Variants in PHB1 observed in about 807,000 individuals in gnomAD.
PHB1 encodes epididymis luminal protein 215.
chr17:49,409,321 G>A, the PHB1 span: 1 of 1,614,006 alleles, frequency 6.2e-7, no homozygotes. Context: ...AAAGGCCCCT[G>A]TTCACTCACC....
the PHB1 span, among the ~76,000 whole-genome samples, chr17:49,406,501 G>T: frequency 6.6e-6 from 1 of 152,196 alleles, no homozygotes; most frequent in African/African-American, 2.4e-5. Flanking sequence ...ATTTTTATTT[G>T]TAAGAGAGTG....
chr17:49,410,374 T>A, the PHB1 span, among the ~76,000 whole-genome samples: 3 of 152,200 alleles, frequency 2.0e-5, no homozygotes, highest in Non-Finnish European at 4.4e-5. Flanking sequence ...AAGGTGCAGG[T>A]ATGCCTGGTT....
At chr17:49,409,533 TTTTTTTTTTG>T in the PHB1 span, 116 of 1,098,976 alleles carry the variant, frequency 1.1e-4, no homozygotes, top group South Asian at 1.4e-3. Context: ...AAAACAAGTG[TTTTTTTTTTG>T]TTTTTTTTTT....
the PHB1 span, chr17:49,413,327 T>A: frequency 8.3e-7 from 1 of 1,206,154 alleles, no homozygotes; most frequent in South Asian, 1.3e-5. Context: ...TCAAACTTGA[T>A]GCCAAATCCT....
the PHB1 span, chr17:49,407,354 G>A: frequency 4.0e-4 from 64 of 158,836 alleles, no homozygotes; most frequent in Non-Finnish European, 7.0e-4. Flanking sequence ...TAACCAGTCC[G>A]CGTCTTCCCA....
chr17:49,409,530 G>GTA, the PHB1 span: 1 of 1,146,862 alleles, frequency 8.7e-7, no homozygotes, highest in Non-Finnish European at 1.2e-6. Flanking sequence ...AGGAAAACAA[G>GTA]TGTTTTTTTT....
At chr17:49,409,075 G>A in the PHB1 span, 1 of 1,611,210 alleles carries the variant, frequency 6.2e-7, no homozygotes, top group African/African-American at 1.3e-5. Context: ...GCCCAAAGGT[G>A]GCGGCTCGCT....
chr17:49,410,785 G>A, the PHB1 span, among the ~76,000 whole-genome samples: 3 of 152,214 alleles, frequency 2.0e-5, no homozygotes, highest in Admixed American at 1.3e-4. Context: ...TGCTTTCTGG[G>A]CCTTGCGGAA....
At chr17:49,410,057 A>G in the PHB1 span, among the ~76,000 whole-genome samples, 3 of 149,882 alleles carry the variant, frequency 2.0e-5, no homozygotes, top group Admixed American at 1.3e-4. Flanking sequence ...TAATCTCTGT[A>G]CTTTTTGTAG....
chr17:49,407,356 G>A, the PHB1 span: 12 of 158,676 alleles, frequency 7.6e-5, no homozygotes, highest in Admixed American at 4.8e-4. Flanking sequence ...ACCAGTCCGC[G>A]TCTTCCCACA....
At chr17:49,404,949 C>T in the PHB1 span, 1 of 1,313,414 alleles carries the variant, frequency 7.6e-7, no homozygotes, top group Non-Finnish European at 1.1e-6. Context: ...ATCATCGGGG[C>T]TGTGGCCCAG....
the PHB1 span, among the ~76,000 whole-genome samples, chr17:49,410,242 C>G: frequency 6.6e-6 from 1 of 152,180 alleles, no homozygotes; most frequent in African/African-American, 2.4e-5. Flanking sequence ...TAGACTCAAG[C>G]TCCTGAGCTT....
chr17:49,407,088 A>T, the PHB1 span: 1 of 522,470 alleles, frequency 1.9e-6, no homozygotes, highest in Non-Finnish European at 3.5e-6. Context: ...CAGTACAGTG[A>T]CCTCATGTAG....
the PHB1 span, chr17:49,404,976 C>T: frequency 8.5e-6 from 13 of 1,536,502 alleles, no homozygotes; most frequent in East Asian, 7.3e-5. Flanking sequence ...CGCGGAGGTG[C>T]AGGCAGGGTG....
At chr17:49,405,220 T>C in the PHB1 span, 22 of 1,610,122 alleles carry the variant, frequency 1.4e-5, no homozygotes, top group Non-Finnish European at 1.7e-5. Context: ...AGAATGGAGG[T>C]GGAGACAAAG....
chr17:49,408,689 T>C, the PHB1 span: 5 of 190,108 alleles, frequency 2.6e-5, no homozygotes, highest in South Asian at 5.3e-4. Context: ...GGAGAAGGAC[T>C]ACCCGAGCTG....
chr17:49,411,635 C>G, the PHB1 span: 29 of 1,574,474 alleles, frequency 1.8e-5, no homozygotes, highest in Non-Finnish European at 2.4e-5. Context: ...CAGAGCACCT[C>G]TTCCACACTC....
chr17:49,406,680 C>T, the PHB1 span: 1 of 991,472 alleles, frequency 1.0e-6, no homozygotes, highest in Non-Finnish European at 1.6e-6. Flanking sequence ...GATGAATTTC[C>T]AGGCCACCCA....
the PHB1 span, chr17:49,405,015 C>T: frequency 1.2e-5 from 19 of 1,556,824 alleles, no homozygotes; most frequent in East Asian, 2.4e-5. Flanking sequence ...TGGAGGAGCA[C>T]GGACTGCCCC....
Sources: gnomAD v4.1 joint callset for allele counts (sites outside exome capture counted in the v4.1 genomes callset) on GRCh38, gnomAD v4.1.1 for gene constraint, MANE v1.5 for transcripts, NCBI Gene and HGNC (gene_info 2026-07-23, HGNC 2026-07-21) for gene names.